The following LRRC4C variants were observed in gnomAD, a reference collection of about 807,000 sequenced individuals.
LRRC4C encodes leucine rich repeat containing 4C, also known as leucine-rich repeat-containing protein 4C.
A neutral mutation model predicts 33.6 loss-of-function variants in LRRC4C; 5 were observed. That is an observed-to-expected ratio of 0.15 (90% CI 0.08 to 0.31). LRRC4C has a LOEUF of 0.31. Ranked by LOEUF, LRRC4C falls within the 10% of genes least tolerant of loss-of-function variation. The pLI is 1.00. For missense variants in LRRC4C, 560 were observed against 796.7 expected, an observed-to-expected ratio of 0.70 and a Z score of 3.58; for synonymous variants, 329 against 302.0, an observed-to-expected ratio of 1.09 and a Z score of -0.93.
chr11:40,792,069 C>A (rs1027402196), intron 2 of LRRC4C, among the ~76,000 whole-genome samples: 6 of 152,030 alleles, frequency 3.9e-5, no homozygotes, highest in Non-Finnish European at 8.8e-5. Context: ...ACTTTTTTAA[C>A]TATAAGCATC....
At chr11:40,567,677 T>G (rs1957820335) in intron 3 of LRRC4C, among the ~76,000 whole-genome samples, 1 of 152,196 alleles carries the variant, frequency 6.6e-6, no homozygotes, top group Admixed American at 6.5e-5. Flanking sequence ...TGTAATAATG[T>G]AGCATCACTT....
rs367676531 is a variant in LRRC4C, at chr11:40,951,540, A to C, written c.-495-17817T>G. Among the ~76,000 whole-genome samples the C allele has an allele frequency of 1.1e-4, 17 of 152,202 alleles. 1 individual carries two copies. In the East Asian group the frequency reaches 1.2e-3, roughly 10 times the overall value. ...ATTGTATTGCATACAGAAACTGTAC[A>C]GATATCAATTTTGTTGCCCTGAGTT... On this transcript the variant is annotated intron_variant, in intron 1 of 6. Transcript: ENST00000528697.
chr11:41,008,655 T>A (rs997247006), intron 1 of LRRC4C, among the ~76,000 whole-genome samples: 1 of 152,164 alleles, frequency 6.6e-6, no homozygotes, highest in African/African-American at 2.4e-5. Flanking sequence ...GCTATTATCA[T>A]CCTTTCCTTC....
At chr11:41,270,843 G>T (rs923714709) in intron 1 of LRRC4C, among the ~76,000 whole-genome samples, 1 of 151,946 alleles carries the variant, frequency 6.6e-6, no homozygotes, top group East Asian at 1.9e-4. Context: ...CTAAAATCAC[G>T]AGGTTGGCAG....
At chr11:40,559,344 T>G (rs1465139526) in intron 3 of LRRC4C, among the ~76,000 whole-genome samples, 1 of 151,970 alleles carries the variant, frequency 6.6e-6, no homozygotes, top group Admixed American at 6.6e-5. Flanking sequence ...CCACCTCACC[T>G]GGCTAATTTT....
chr11:41,011,204 A>T (rs1855153429), intron 1 of LRRC4C, among the ~76,000 whole-genome samples: 1 of 152,156 alleles, frequency 6.6e-6, no homozygotes, highest in South Asian at 2.1e-4. Context: ...TGTTTTCATG[A>T]TCATCACCAT....
At chr11:40,576,927 C>A (rs1958216749) in intron 3 of LRRC4C, among the ~76,000 whole-genome samples, 2 of 152,140 alleles carry the variant, frequency 1.3e-5, no homozygotes, top group Admixed American at 6.5e-5. Flanking sequence ...ATTACTAACA[C>A]TGAGCCTTTG....
chr11:40,972,969 C>A (rs1437683726), intron 1 of LRRC4C, among the ~76,000 whole-genome samples: 1 of 152,092 alleles, frequency 6.6e-6, no homozygotes, highest in Admixed American at 6.5e-5. Context: ...TTAACACCAT[C>A]CCCCTTGGTG....
At chr11:40,598,751 G>A (rs1959650076) in intron 3 of LRRC4C, among the ~76,000 whole-genome samples, 7 of 152,146 alleles carry the variant, frequency 4.6e-5, no homozygotes, top group Admixed American at 4.6e-4. Flanking sequence ...ACAGGGAAGT[G>A]GTTGCAGAAT....
chr11:40,957,290 A>T (rs1958999740), intron 1 of LRRC4C, among the ~76,000 whole-genome samples: 1 of 151,792 alleles, frequency 6.6e-6, no homozygotes, highest in Admixed American at 6.6e-5. Context: ...TGTAGGTGAC[A>T]GGCGGGCTAG....
chr11:40,887,917 A>T (rs370294385), intron 2 of LRRC4C, among the ~76,000 whole-genome samples: 1 of 151,902 alleles, frequency 6.6e-6, no homozygotes, highest in Admixed American at 6.6e-5. Flanking sequence ...GTTATACTTA[A>T]TTTCCCATGC....
intron 1 of LRRC4C, among the ~76,000 whole-genome samples, chr11:41,152,204 C>A (rs1944029966): frequency 6.6e-6 from 1 of 152,194 alleles, no homozygotes; most frequent in Admixed American, 6.5e-5. Flanking sequence ...TTCCTTGTAT[C>A]CTGCCTACAC....
At chr11:41,295,406 T>A (rs1950109843) in intron 1 of LRRC4C, among the ~76,000 whole-genome samples, 1 of 152,178 alleles carries the variant, frequency 6.6e-6, no homozygotes, top group African/African-American at 2.4e-5. Context: ...ATACAACTCC[T>A]ATTCATGAAG....
chr11:40,617,102 C>T (rs1412765836), intron 3 of LRRC4C, among the ~76,000 whole-genome samples: 3 of 151,696 alleles, frequency 2.0e-5, no homozygotes, highest in Admixed American at 6.6e-5. Context: ...CATCTGAGTG[C>T]TCTATTATGT....
chr11:41,311,180 A>C (rs1432308233), intron 1 of LRRC4C, among the ~76,000 whole-genome samples: 1 of 152,312 alleles, frequency 6.6e-6, no homozygotes, highest in African/African-American at 2.4e-5. Flanking sequence ...TATGCCGTGC[A>C]TTAGAACCAC....
At chr11:40,337,084 T>C (rs562599804) in intron 3 of LRRC4C, among the ~76,000 whole-genome samples, 7 of 150,012 alleles carry the variant, frequency 4.7e-5, no homozygotes, top group Admixed American at 4.7e-4. Flanking sequence ...AAGCGAGACT[T>C]GTAAAATGAG....
chr11:41,339,083 C>T (rs1951549240), intron 1 of LRRC4C, among the ~76,000 whole-genome samples: 3 of 152,102 alleles, frequency 2.0e-5, no homozygotes, highest in South Asian at 4.1e-4. Flanking sequence ...ATGACAAAGG[C>T]ATCTATTTAT....
chr11:40,997,944 A>C (rs191324650), intron 1 of LRRC4C, among the ~76,000 whole-genome samples: 39 of 152,266 alleles, frequency 2.6e-4, no homozygotes, highest in African/African-American at 7.9e-4. Flanking sequence ...AAATAATCTG[A>C]ATAAATATTG....
At chr11:40,459,923 C>T (rs1273897318) in intron 3 of LRRC4C, among the ~76,000 whole-genome samples, 1 of 152,134 alleles carries the variant, frequency 6.6e-6, no homozygotes, top group Non-Finnish European at 1.5e-5. Context: ...TGCATTATGC[C>T]TGCAAAAGCT....
Sources: allele counts gnomAD v4.1 joint callset (sites outside exome capture counted in the v4.1 genomes callset), GRCh38; gene constraint gnomAD v4.1.1; transcripts MANE v1.5; gene names NCBI Gene and HGNC (gene_info 2026-07-23, HGNC 2026-07-21).